Variants in RHOT2 observed in about 807,000 individuals in gnomAD.
The protein encoded by RHOT2 is mitochondrial Rho GTPase 2.
A neutral mutation model predicts 81.6 loss-of-function variants in RHOT2; 90 were observed. The ratio of observed to expected loss-of-function variants is 1.10; its 90% CI spans 0.93 to 1.31. The LOEUF (loss-of-function observed/expected upper bound fraction) is 1.31, where lower values mean the gene tolerates loss of function less well. RHOT2 is among the 40% of genes most tolerant of loss of function. The pLI, the probability that RHOT2 is intolerant of heterozygous loss-of-function variation, is 0.00. For synonymous variants in RHOT2, 512 were observed against 370.9 expected (o/e 1.38, Z -4.37); for missense variants, 1,014 against 841.9 (o/e 1.20, Z -2.53).
intron 9 of RHOT2, 56 bp from the exon 10 acceptor site, chr16:670,836 G>A: frequency 3.1e-6 from 5 of 1,596,138 alleles, no homozygotes; most frequent in Non-Finnish European, 3.4e-6. Flanking sequence ...TTAGTGACTG[G>A]AACGGGTCGT....
Position 670,737 on chromosome 16 carries a change from C to G in RHOT2, c.603C>G (p.Asp201Glu). 2.5e-6 allele frequency: 4 copies of G among 1,612,452 alleles called. No homozygotes were observed. Among genetic ancestry groups the G allele is most frequent in the Non-Finnish European group, 3.4e-6 (4 of 1,179,948 alleles). ...RIFRLSDQDL[D>E]QALSDEELNA... Reference sequence around the variant, plus strand: ...TCAGGCTCTCAGATCAGGACCTGGACCAGGCGCTCAGTGACGAAGAGCTCA... The same window carrying G: ...TCAGGCTCTCAGATCAGGACCTGGAGCAGGCGCTCAGTGACGAAGAGCTCA... The change falls in exon 9 of 19, where the codon GAC (aspartate) becomes GAG (glutamate). Residue 201 changes from aspartate to glutamate, a missense_variant. Transcript: ENST00000315082.
In RHOT2 at chr16:673,849, C is replaced by T. The variant is rs548126884; in HGVS notation, c.*243C>T. The stretch of plus-strand genomic sequence containing the variant: ...TGGCTGAGCAGGAGCTCCCAAGTGC[C>T]GGCCACCGCTGTCAGGGATTGCCCA... On this transcript the variant is annotated 3_prime_UTR_variant, in exon 19 of 19. Coordinates refer to ENST00000315082, the MANE Select transcript of RHOT2 (RefSeq NM_138769.3). The T allele has an allele frequency of 2.0e-5, 12 of 611,266 alleles. No homozygotes were observed. The highest frequency in any genetic ancestry group is 5.5e-5 in the African/African-American group (3 of 54,478). The allele number at this position is 611,266 out of a possible 1,614,324, so 37.9% of individuals were successfully genotyped here.
Position 672,788 on chromosome 16 carries a change from A to AC in RHOT2, c.1493dup (p.Ser500ValfsTer195). 6.2e-7 allele frequency: 1 copy of AC among 1,612,636 alleles called. No individual in the cohort carries two copies. Among genetic ancestry groups the AC allele is most frequent in the South Asian group, 1.1e-5 (1 of 91,086 alleles). On this transcript the variant is annotated frameshift_variant, in exon 17 of 19. Transcript: ENST00000315082. LOFTEE classifies it high-confidence loss of function. ...GCCTGCTTGATGTTTGATGGCAGTG[A>AC]CCCAAAGTCCTTTGCACATTGTGCC...
chr16:673,636 A>G lies in RHOT2; in HGVS notation c.*30A>G. 1 of 1,591,810 alleles carries G rather than the reference A, an allele frequency of 6.3e-7. No homozygotes were observed. Among genetic ancestry groups the G allele is most frequent in the Non-Finnish European group, 8.5e-7 (1 of 1,171,330 alleles). On this transcript the variant is annotated 3_prime_UTR_variant, in exon 19 of 19. Coordinates refer to ENST00000315082, the MANE Select transcript of RHOT2 (RefSeq NM_138769.3). ...CCTGGTACCCAAGCCCCCTCCCCTG[A>G]CCTGGGTGTGCCTCGCTGCTGGGGC...
rs750593153 is a variant in RHOT2, at chr16:673,146, C to T, written c.1730+16C>T. The T allele has an allele frequency of 3.7e-6, 6 of 1,607,772 alleles. No individual in the cohort carries two copies. The highest frequency in any genetic ancestry group is 2.2e-5 in the East Asian group (1 of 44,856). On this transcript the variant is annotated intron_variant, in intron 18 of 18. Transcript: ENST00000315082. ...CCGCCTTCCCGTGGGTACCCAGTAG[C>T]GCAGCCCTGGGGACTAGCAGTGTCT...
Position 672,821 on chromosome 16 carries a change from A to C in RHOT2, c.1523A>C (p.Tyr508Ser), listed in dbSNP as rs2151484593. ...PKSFAHCASV[Y>S]KHHYMDGQTP... is the part of the protein sequence containing the mutation. ...TCCTTTGCACATTGTGCCAGCGTCT[A>C]CAAGGTGGGGCCCTGCAGGGGCCAC... The change falls in exon 17 of 19, where the codon TAC becomes TCC. Residue 508 changes from tyrosine (Y) to serine (S), a missense_variant. By Grantham distance (144) the Tyr-to-Ser change is moderately radical (BLOSUM62 -2). Coordinates refer to ENST00000315082, the MANE Select transcript of RHOT2 (RefSeq NM_138769.3). 1 of 1,612,612 alleles carries C rather than the reference A, an allele frequency of 6.2e-7. No homozygotes were observed. The highest frequency in any genetic ancestry group is 2.2e-5 in the East Asian group (1 of 44,872).
At chr16:672,057 C>T in intron 13 of RHOT2, 27 bp from the exon 14 acceptor site, 1 of 1,612,330 alleles carries the variant, frequency 6.2e-7, no homozygotes, top group Non-Finnish European at 8.5e-7. Context: ...CACCATAACA[C>T]TGTGCCTGCC....
rs1157943967 is a variant in RHOT2, at chr16:671,099, C to T, written c.765C>T (p.Asn255=). 1.2e-6 allele frequency: 2 copies of T among 1,609,156 alleles called. No individual in the cohort carries two copies. Among genetic ancestry groups the T allele is most frequent in the South Asian group, 1.1e-5 (1 of 91,062 alleles). The change falls in exon 11 of 19, where the codon AAC becomes AAT. Residue 255 remains asparagine (N), a synonymous_variant. Coordinates refer to ENST00000315082, the MANE Select transcript of RHOT2 (RefSeq NM_138769.3). ...RLTLDGFLFL[N]TLFIQRGRHE... ...TCGGTGCAGGTTTCCTCTTCCTGAA[C>T]ACGCTCTTCATCCAGCGCGGCCGGC...
At chr16:673,290 G>C in intron 18 of RHOT2, 160 bp downstream of exon 18, 1 of 1,183,674 alleles carries the variant, frequency 8.4e-7, no homozygotes, top group South Asian at 1.4e-5. Context: ...GAGTGGCGGG[G>C]TGGAGCTTTG....
chr16:670,126 C>T lies in RHOT2; in HGVS notation c.280C>T (p.Arg94Ter), dbSNP rs755243388. The part of the protein sequence containing the change: ...VSEEATIEKI[R>*]TKWIPLVNGG... The stretch of plus-strand genomic sequence containing the variant: ...ACAGCCAGGCTTTGCTTTTCAGATT[C>T]GAACTAAGTGGATCCCACTGGTGAA... The change falls in exon 6 of 19, where the codon CGA (arginine) becomes TGA (stop). Residue 94 changes from arginine (R) to a stop codon, truncating the protein, a stop_gained. Coordinates refer to ENST00000315082, the MANE Select transcript of RHOT2 (RefSeq NM_138769.3). LOFTEE classifies it high-confidence loss of function. The T allele has an allele frequency of 4.5e-6, 7 of 1,563,042 alleles. No individual in the cohort carries two copies. The highest frequency in any genetic ancestry group is 1.2e-5 in the South Asian group (1 of 85,008).
Position 669,569 on chromosome 16 carries a change from T to C in RHOT2, c.239T>C (p.Val80Ala), listed in dbSNP as rs763263353. The C allele has an allele frequency of 1.2e-5, 20 of 1,611,978 alleles. No individual in the cohort carries two copies. Among genetic ancestry groups the C allele is most frequent in the African/African-American group, 4.0e-5 (3 of 74,910 alleles). Residue 80 changes from valine to alanine, a missense_variant, in exon 5 of 19, where the codon GTG becomes GCG. Coordinates refer to ENST00000315082, the MANE Select transcript of RHOT2 (RefSeq NM_138769.3). ...EEIHKANVVC[V>A]VYDVSEEATI... Reference sequence around the variant, plus strand: ...TTCCCTCAGGCAAACGTGGTGTGTGTGGTGTATGACGTCTCTGAGGAGGCC... The same window carrying C: ...TTCCCTCAGGCAAACGTGGTGTGTGCGGTGTATGACGTCTCTGAGGAGGCC...
chr16:669,776 C>G (rs183812221), intron 5 of RHOT2, 170 bp downstream of exon 5: 1 of 694,336 alleles, frequency 1.4e-6, no homozygotes, highest in Non-Finnish European at 2.5e-6. Flanking sequence ...CCCACTTCCC[C>G]TGAGAGGGTC....
rs754061357 is a variant in RHOT2 at position 670,976 on chromosome 16, C to G, written c.724C>G (p.Arg242Gly). The G allele has an allele frequency of 6.4e-7, 1 of 1,570,878 alleles. No individual in the cohort carries two copies. The highest frequency in any genetic ancestry group is 1.3e-5 in the African/African-American group (1 of 74,330). Reference sequence around the variant, plus strand: ...GTGCAGGAACGTGGCGGGCGGCGTGCGGGAGGACCGGCTGACCCTGGATGG... The same window carrying G: ...GTGCAGGAACGTGGCGGGCGGCGTGGGGGAGGACCGGCTGACCCTGGATGG... ...VVCRNVAGGV[R>G]EDRLTLDGFL... is the part of the protein sequence containing the mutation. Residue 242 changes from arginine to glycine, a missense_variant, in exon 10 of 19, where the codon CGG (arginine) becomes GGG (glycine). Transcript: ENST00000315082.
At position 672,911 on chromosome 16, in the gene RHOT2, C is replaced by A. The variant is rs759973676; in HGVS notation, c.1528-17C>A. ...GGCCACCCCAGGACTGTACCTCATA[C>A]CACTCTCTGCCCACAGCACCATTAC... On this transcript the variant is annotated splice_polypyrimidine_tract_variant and intron_variant, in intron 17 of 18. Transcript: ENST00000315082. 6.2e-7 allele frequency: 1 copy of A among 1,612,738 alleles called. No individual in the cohort carries two copies.
Position 668,554 on chromosome 16 carries a change from A to T in RHOT2, c.163A>T (p.Ile55Phe), listed in dbSNP as rs758013882. 6.2e-7 allele frequency: 1 copy of T among 1,610,364 alleles called. No individual in the cohort carries two copies. Among genetic ancestry groups the T allele is most frequent in the Non-Finnish European group, 8.5e-7 (1 of 1,179,014 alleles). ...DVTPEKVPTHIVDYSEAEQTD... is the reference protein window; with the variant it reads ...DVTPEKVPTHFVDYSEAEQTD... ...CACCCCGGAGAAGGTGCCCACCCAC[A>T]TCGTGGACTACTCAGGTAGCGGCCG... Residue 55 changes from isoleucine (I) to phenylalanine (F), a missense_variant, in exon 3 of 19, where the codon ATC becomes TTC. Physicochemically the swap from Ile to Phe is conservative, Grantham distance 21 (BLOSUM62 0). Coordinates refer to ENST00000315082, the MANE Select transcript of RHOT2 (RefSeq NM_138769.3).
intron 8 of RHOT2, 35 bp downstream of exon 8, chr16:670,592 C>T (rs750513896): frequency 6.3e-7 from 1 of 1,595,896 alleles, no homozygotes; most frequent in Non-Finnish European, 8.6e-7. Flanking sequence ...CGCTGGTTCC[C>T]CAGGGGCCCA....
At chr16:672,604 G>A (rs2039158797) in intron 16 of RHOT2, 38 bp downstream of exon 16, 2 of 1,610,166 alleles carry the variant, frequency 1.2e-6, no homozygotes, top group South Asian at 1.1e-5. Flanking sequence ...CCCGAGGGTG[G>A]ACCCGGGGAC....
At chr16:668,274 C>G in intron 1 of RHOT2, 38 bp downstream of exon 1, 1 of 1,040,288 alleles carries the variant, frequency 9.6e-7, no homozygotes. Context: ...CTGCGGCGGC[C>G]GTGAGGCGGG....
intron 12 of RHOT2, 35 bp downstream of exon 12, chr16:671,816 G>GC: frequency 1.1e-5 from 6 of 568,666 alleles, no homozygotes; most frequent in South Asian, 7.6e-5. Context: ...CCCTGCCCCC[G>GC]CCCCCTCCCC....
Sources: gnomAD v4.1 joint callset for allele counts on GRCh38, gnomAD v4.1.1 for gene constraint, MANE v1.5 for transcripts, NCBI Gene and HGNC (gene_info 2026-07-23, HGNC 2026-07-21) for gene names.